TSHZ2: variants seen among roughly 807,000 people sequenced by gnomAD.
The protein encoded by TSHZ2 is teashirt homolog 2.
TSHZ2 carries 21 observed loss-of-function variants against 74.4 expected under a neutral mutation model. That is an observed-to-expected ratio of 0.28 (90% CI 0.20 to 0.41). The LOEUF (loss-of-function observed/expected upper bound fraction) is 0.41. TSHZ2 is among the 10% of genes least tolerant of loss of function. The pLI is 1.00. For missense variants in TSHZ2, 1,244 were observed against 1,293.5 expected (o/e 0.96, Z 0.59); for synonymous variants, 540 against 515.3 (o/e 1.05, Z -0.65).
rs1474598451 is a variant in TSHZ2, at chr20:53,472,968, C to T, written c.*9-14176C>T. 7.9e-5 allele frequency among the ~76,000 whole-genome samples: 12 copies of T among 152,136 alleles called. No individual in the cohort carries two copies. In the East Asian group the frequency reaches 2.1e-3, roughly 27 times the overall value. ...TCCGACGGGCTTAAAAAACGGCGCA[C>T]CACGAGATTATATCCCGCACCTGGC... On this transcript the variant is annotated intron_variant, in intron 2 of 2. Transcript: ENST00000371497.
intron 2 of TSHZ2, among the ~76,000 whole-genome samples, chr20:53,459,538 G>C (rs1459526820): frequency 7.0e-6 from 1 of 143,732 alleles, no homozygotes; most frequent in African/African-American, 2.6e-5. Context: ...CTTTTAATTG[G>C]AGCATTTAGT....
At chr20:53,480,008 C>A (rs548065984) in intron 2 of TSHZ2, among the ~76,000 whole-genome samples, 1 of 151,560 alleles carries the variant, frequency 6.6e-6, no homozygotes, top group Non-Finnish European at 1.5e-5. Context: ...GAGGACGAGG[C>A]GGGAGGATCA....
At chr20:53,243,258 A>G (rs1339424474) in intron 1 of TSHZ2, among the ~76,000 whole-genome samples, 1 of 152,160 alleles carries the variant, frequency 6.6e-6, no homozygotes, top group Admixed American at 6.5e-5. Context: ...AAGGAGAAGA[A>G]TTTTCGCTTT....
chr20:53,176,711 G>A (rs1398584031), intron 1 of TSHZ2, among the ~76,000 whole-genome samples: 3 of 139,568 alleles, frequency 2.1e-5, no homozygotes, highest in Admixed American at 1.5e-4. Flanking sequence ...TTTTTTAGAC[G>A]AAGTCTCGCT....
chr20:53,268,949 T>C (rs1423457621), intron 2 of TSHZ2, among the ~76,000 whole-genome samples: 15 of 152,194 alleles, frequency 9.9e-5, no homozygotes, highest in Non-Finnish European at 1.9e-4. Flanking sequence ...TGAGGGTCAG[T>C]TTTCTCATCC....
chr20:53,006,912 G>T (rs1010469041), intron 1 of TSHZ2, among the ~76,000 whole-genome samples: 1 of 132,662 alleles, frequency 7.5e-6, no homozygotes, highest in Admixed American at 7.3e-5. Flanking sequence ...TTGAGTAGGA[G>T]TTGGGAGAGT....
intron 1 of TSHZ2, among the ~76,000 whole-genome samples, chr20:53,154,495 C>T (rs1987747380): frequency 6.6e-6 from 1 of 152,100 alleles, no homozygotes; most frequent in South Asian, 2.1e-4. Flanking sequence ...CTGCGGGTGC[C>T]CTCTCTTGCC....
intron 2 of TSHZ2, among the ~76,000 whole-genome samples, chr20:53,421,927 C>T (rs191753763): frequency 1.0e-3 from 159 of 151,954 alleles, no homozygotes; most frequent in African/African-American, 3.7e-3. Flanking sequence ...GTGATCCACC[C>T]GCCTCGGCCT....
At chr20:53,126,675 T>C (rs917990235) in intron 1 of TSHZ2, among the ~76,000 whole-genome samples, 4 of 152,176 alleles carry the variant, frequency 2.6e-5, no homozygotes, top group African/African-American at 9.7e-5. Context: ...GTAACAGAGT[T>C]GTATTTTTGG....
intron 1 of TSHZ2, among the ~76,000 whole-genome samples, chr20:53,159,005 A>T (rs561767615): frequency 6.6e-6 from 1 of 152,374 alleles, no homozygotes; most frequent in South Asian, 2.1e-4. Flanking sequence ...AAATTAGCAG[A>T]ACTGACGACA....
chr20:53,128,387 G>A (rs763516223), intron 1 of TSHZ2, among the ~76,000 whole-genome samples: 13 of 152,052 alleles, frequency 8.5e-5, no homozygotes, highest in Non-Finnish European at 1.5e-4. Context: ...TTCTTGTTCC[G>A]TACCTGCTTC....
At chr20:53,221,439 T>G (rs1003876034) in intron 1 of TSHZ2, among the ~76,000 whole-genome samples, 2 of 152,214 alleles carry the variant, frequency 1.3e-5, no homozygotes, top group African/African-American at 4.8e-5. Context: ...TTTTGTTATC[T>G]TCTGGGTCAG....
chr20:53,430,141 G>T (rs969496418), intron 2 of TSHZ2, among the ~76,000 whole-genome samples: 1 of 152,100 alleles, frequency 6.6e-6, no homozygotes, highest in African/African-American at 2.4e-5. Context: ...GTCTCACTCT[G>T]TCACCCAGGC....
intron 1 of TSHZ2, among the ~76,000 whole-genome samples, chr20:53,232,063 A>G (rs1989836882): frequency 6.6e-6 from 1 of 151,212 alleles, no homozygotes; most frequent in African/African-American, 2.4e-5. Context: ...TTATTTTTTT[A>G]TTTTTTTGTA....
At chr20:53,160,065 T>G (rs1468661125) in intron 1 of TSHZ2, among the ~76,000 whole-genome samples, 1 of 152,004 alleles carries the variant, frequency 6.6e-6, no homozygotes, top group African/African-American at 2.4e-5. Context: ...GGTCCACATA[T>G]GAAAAGGCCC....
At position 53,487,790 on chromosome 20, in the gene TSHZ2, A is replaced by ATGTTCATCTT. The variant is rs1305585414; in HGVS notation, c.*656_*665dup. ...TTTGAGCCAAGAAAACCCCTGAACA[A>ATGTTCATCTT]TGTTCATCTTCTGTGAAACTTGCTC... On this transcript the variant is annotated 3_prime_UTR_variant, in exon 3 of 3. Coordinates refer to ENST00000371497, the MANE Select transcript of TSHZ2 (RefSeq NM_173485.6). 3 of 152,224 alleles carry ATGTTCATCTT rather than the reference A, an allele frequency of 2.0e-5. No individual in the cohort carries two copies. In the East Asian group the frequency reaches 5.8e-4, roughly 29 times the overall value. 9.4% of individuals were successfully genotyped at this position (152,224 alleles called of 1,614,324 possible). A position where few individuals can be genotyped will look rare whatever the true frequency, so the allele number is the denominator to read the frequency against.
At chr20:53,106,217 A>G (rs1295671983) in intron 1 of TSHZ2, among the ~76,000 whole-genome samples, 2 of 151,978 alleles carry the variant, frequency 1.3e-5, no homozygotes, top group Non-Finnish European at 2.9e-5. Flanking sequence ...TTTTGTACCC[A>G]TTGACTGAGG....
intron 2 of TSHZ2, among the ~76,000 whole-genome samples, chr20:53,294,218 T>C (rs1157452906): frequency 6.6e-6 from 1 of 152,058 alleles, no homozygotes; most frequent in East Asian, 1.9e-4. Flanking sequence ...GGTACCTCCC[T>C]CAAAGGTTGT....
At chr20:53,243,889 G>A (rs972896666) in intron 1 of TSHZ2, among the ~76,000 whole-genome samples, 8 of 150,534 alleles carry the variant, frequency 5.3e-5, no homozygotes, top group Admixed American at 2.0e-4. Flanking sequence ...CTTAGCAAAA[G>A]AAGCAAGTTA....
Sources: allele counts gnomAD v4.1 joint callset (sites outside exome capture counted in the v4.1 genomes callset), GRCh38; gene constraint gnomAD v4.1.1; transcripts MANE v1.5; gene names NCBI Gene and HGNC (gene_info 2026-07-23, HGNC 2026-07-21).